Variants in PLEC observed in about 807,000 individuals in gnomAD.
PLEC encodes plectin.
A neutral mutation model predicts 392.8 loss-of-function variants in PLEC; 216 were observed. The ratio of observed to expected loss-of-function variants is 0.55; its 90% CI spans 0.49 to 0.62. The LOEUF (loss-of-function observed/expected upper bound fraction) is 0.62. Ranked by LOEUF, PLEC falls within the 20% of genes least tolerant of loss-of-function variation. PLEC has a pLI of 0.00. For synonymous variants in PLEC, 3,621 were observed against 2,980.6 expected, an observed-to-expected ratio of 1.21 and a Z score of -7.00; for missense variants, 6,863 against 6,563.4, an observed-to-expected ratio of 1.05 and a Z score of -1.58.
chr8:143,952,930 G>A (rs911922164), upstream of PLEC, among the ~76,000 whole-genome samples: 38 of 151,890 alleles, frequency 2.5e-4, no homozygotes, highest in Non-Finnish European at 5.3e-4. Context: ...GGAGGAGCCC[G>A]GAGCAGAATG....
At position 143,923,025 on chromosome 8, in the gene PLEC, C is replaced by T. The variant is rs781812950; in HGVS notation, c.6904G>A (p.Ala2302Thr). The T allele has an allele frequency of 1.4e-5, 23 of 1,611,790 alleles. No individual in the cohort carries two copies. Among genetic ancestry groups the T allele is most frequent in the East Asian group, 2.2e-5 (1 of 44,834 alleles). Residue 2302 changes from alanine to threonine, a missense_variant, in exon 31 of 32, where the codon GCA (alanine) becomes ACA (threonine). Physicochemically the swap from Ala to Thr is moderately conservative, Grantham distance 58. Transcript: ENST00000345136. ...RLRQLAEEDLAQQRALAEKML... is the reference protein window; with the variant it reads ...RLRQLAEEDLTQQRALAEKML... ...TTCTCTGCCAAGGCCCGCTGCTGTG[C>T]CAGGTCCTCCTCTGCCAGCTGCCGC...
rs1554706163 is a variant in PLEC at position 143,926,883 on chromosome 8, C to T, written c.3946-1G>A. The T allele has an allele frequency of 6.2e-7, 1 of 1,610,552 alleles. No individual in the cohort carries two copies. Among genetic ancestry groups the T allele is most frequent in the Admixed American group, 1.7e-5 (1 of 60,028 alleles). On this transcript the variant is annotated splice_acceptor_variant, in intron 29 of 31. Coordinates refer to ENST00000345136, the MANE Select transcript of PLEC (RefSeq NM_201384.3). LOFTEE classifies it high-confidence loss of function. ...TGTAGTGCGTACGCAGGTCCACGTA[C>T]TGTGGAGTAGAGCCAGGGTTAGCCC...
rs782155361 is a variant in PLEC, at chr8:143,934,009, G to A, written c.1252C>T (p.Leu418=). 1.2e-6 allele frequency: 2 copies of A among 1,606,814 alleles called. No homozygotes were observed. The highest frequency in any genetic ancestry group is 2.8e-5 in the African/African-American group (2 of 71,742). ...CCACACCCCCTCACCGACTGCAGCA[G>A]GGCGTCGGCCTGGTTCAGCTGCTCC... ...CEEQLNQADA[L]LQSDVRLLAA... Residue 418 remains leucine (L), a synonymous_variant, in exon 12 of 32, where the codon CTG becomes TTG. Coordinates refer to ENST00000345136, the MANE Select transcript of PLEC (RefSeq NM_201384.3).
upstream of PLEC, among the ~76,000 whole-genome samples, chr8:143,953,440 G>GTCCCC (rs1554737995): frequency 6.7e-6 from 1 of 150,094 alleles, no homozygotes; most frequent in Non-Finnish European, 1.5e-5. Flanking sequence ...CTGTGTCCCT[G>GTCCCC]TCCCCGCCCC....
rs782356391 is a variant in PLEC, at chr8:143,929,576, G to A, written c.2924-5C>T. The A allele has an allele frequency of 5.0e-6, 8 of 1,612,246 alleles. No homozygotes were observed. The highest frequency in any genetic ancestry group is 1.1e-5 in the South Asian group (1 of 91,090). On this transcript the variant is annotated splice_region_variant and splice_polypyrimidine_tract_variant and intron_variant, in intron 23 of 31. Transcript: ENST00000345136. ...AGCGAGACTCTTCCTGTGCACCTGG[G>A]GAACACATGTGGGTCACTCCACCGC...
At chr8:143,943,203 G>A (rs782150507), upstream of PLEC, among the ~76,000 whole-genome samples, 22 of 152,232 alleles carry the variant, frequency 1.4e-4, no homozygotes, top group Non-Finnish European at 2.5e-4. Context: ...TCCCCGATAG[G>A]CAGTCCCTCT....
In PLEC at chr8:143,929,166, T is replaced by C; in HGVS notation, c.3197A>G (p.Glu1066Gly). 1 of 1,594,674 alleles carries C rather than the reference T, an allele frequency of 6.3e-7. No individual in the cohort carries two copies. Among genetic ancestry groups the C allele is most frequent in the Non-Finnish European group, 8.5e-7 (1 of 1,172,532 alleles). The change falls in exon 25 of 32, where the codon GAG becomes GGG. Residue 1066 changes from glutamate to glycine, a missense_variant. Transcript: ENST00000345136. Reference protein sequence around the residue: ...PSPAAPTLRSELELTLGKLEQ... With the variant: ...PSPAAPTLRSGLELTLGKLEQ... ...CAGCTTGCCCAGCGTCAGCTCCAGC[T>C]CCGAGCGCAGCGTGGGGGCCGCAGG...
Position 143,923,234 on chromosome 8 carries a change from G to A in PLEC, c.6695C>T (p.Ser2232Leu), listed in dbSNP as rs201367741. 38 of 1,604,058 alleles carry A rather than the reference G, an allele frequency of 2.4e-5. No individual in the cohort carries two copies. Among genetic ancestry groups the A allele is most frequent in the Middle Eastern group, 1.6e-4 (1 of 6,062 alleles). The change falls in exon 31 of 32, where the codon TCG (serine) becomes TTG (leucine). Residue 2232 changes from serine (S) to leucine (L), a missense_variant. Physicochemically the swap from Ser to Leu is moderately radical, Grantham distance 145. Coordinates refer to ENST00000345136, the MANE Select transcript of PLEC (RefSeq NM_201384.3). ...QRSQVEEELFSVRVQMEELSK... is the reference protein window; with the variant it reads ...QRSQVEEELFLVRVQMEELSK... Reference sequence around the variant, plus strand: ...CAGCTCCTCCATCTGCACGCGCACCGAGAAGAGCTCCTCCTCCACCTGGCT... The same window carrying A: ...CAGCTCCTCCATCTGCACGCGCACCAAGAAGAGCTCCTCCTCCACCTGGCT...
intron 6 of PLEC, among the ~76,000 whole-genome samples, 165 bp downstream of exon 6, chr8:143,935,683 C>T (rs1370210261): frequency 6.6e-6 from 1 of 152,172 alleles, no homozygotes; most frequent in Non-Finnish European, 1.5e-5. Context: ...CTGAAGGACA[C>T]CAGGGTGGGG....
chr8:143,953,837 C>G (rs1373241184), upstream of PLEC: 36 of 1,600,332 alleles, frequency 2.2e-5, no homozygotes, highest in Non-Finnish European at 2.6e-5. Flanking sequence ...ACCGCACTGC[C>G]CAGGCCAGCG....
chr8:143,916,363 G>A lies in PLEC; in HGVS notation c.13458C>T (p.Thr4486=), dbSNP rs782560017. 63 of 1,607,524 alleles carry A rather than the reference G, an allele frequency of 3.9e-5. No homozygotes were observed. In the Middle Eastern group the frequency reaches 6.8e-4, roughly 17 times the overall value. ...SPYSVSGSGS[T]AGSRTGSRTG... is the part of the protein sequence containing the mutation. ...TGCGCGAGCCGGTGCGGGAGCCAGCGGTAGAGCCGGAGCCGCTGACGCTGT... is the reference window on the plus strand; with the variant it reads ...TGCGCGAGCCGGTGCGGGAGCCAGCAGTAGAGCCGGAGCCGCTGACGCTGT... Residue 4486 remains threonine (T), a synonymous_variant, in exon 32 of 32, where the codon ACC becomes ACT. Transcript: ENST00000345136.
Position 143,917,026 on chromosome 8 carries a change from G to C in PLEC, c.12795C>G (p.Thr4265=). The C allele has an allele frequency of 6.2e-7, 1 of 1,611,770 alleles. No homozygotes were observed. Among genetic ancestry groups the C allele is most frequent in the Non-Finnish European group, 8.5e-7 (1 of 1,179,004 alleles). Residue 4265 remains threonine, a synonymous_variant, in exon 32 of 32, where the codon ACC becomes ACG. Transcript: ENST00000345136. ...SYPISPAVSR[T]QLASWSDPTE... ...TGGGGTCTGACCAGGAGGCCAGCTGGGTCCTGGAGACGGCGGGGCTGATGG... is the reference window on the plus strand; with the variant it reads ...TGGGGTCTGACCAGGAGGCCAGCTGCGTCCTGGAGACGGCGGGGCTGATGG...
chr8:143,934,409 CA>C lies in PLEC; in HGVS notation c.1077del (p.Gly360AlafsTer39). 2 of 1,611,820 alleles carry C rather than the reference CA, an allele frequency of 1.2e-6. No homozygotes were observed. The highest frequency in any genetic ancestry group is 1.7e-6 in the Non-Finnish European group (2 of 1,179,520). On this transcript the variant is annotated frameshift_variant, in exon 11 of 32. Transcript: ENST00000345136. LOFTEE classifies it high-confidence loss of function. ...TTCTCCACATCCAGCGGGTGGTAGC[CA>C]GGGGGCACCTTGAGCTGGCCTGCTT... ...AVQAGQLKVP[P>X]GYHPLDVEKE...
intron 17 of PLEC, 21 bp from the exon 18 acceptor site, chr8:143,932,053 G>A (rs1554716166): frequency 6.4e-7 from 1 of 1,561,954 alleles, no homozygotes; most frequent in Non-Finnish European, 8.7e-7. Context: ...GCAGGTCCCG[G>A]TCAGGCCCCG....
chr8:143,969,193 T>C lies in PLEC; in HGVS notation c.70+4210A>G, dbSNP rs1833281823. Among the ~76,000 whole-genome samples, 1 of 152,146 alleles carries C rather than the reference T, an allele frequency of 6.6e-6. No individual in the cohort carries two copies. The highest frequency in any genetic ancestry group is 6.5e-5 in the Admixed American group (1 of 15,270). On this transcript the variant is annotated intron_variant, in intron 1 of 31. Transcript: ENST00000356346. The surrounding 1 kb of genome is among the most constrained non-coding windows in gnomAD (Gnocchi z 5.1). ...CTCCAGCGGGGGGAGGGTGAGGTGC[T>C]GATGGCGCGGCGATGTGAGCAGCCC...
At position 143,916,000 on chromosome 8, in the gene PLEC, C is replaced by T; in HGVS notation, c.*177G>A. 1 of 515,508 alleles carries T rather than the reference C, an allele frequency of 1.9e-6. No homozygotes were observed. The highest frequency in any genetic ancestry group is 3.7e-5 in the Admixed American group (1 of 26,832). The allele number at this position is 515,508 out of a possible 1,614,324, so 31.9% of individuals were successfully genotyped here. A position where few individuals can be genotyped will look rare whatever the true frequency, so the allele number is the denominator to read the frequency against. ...GCCAGCAGGGCTGGGCCAGCCCTGT[C>T]CCCCAAGATACAGGCTGTCTGGACA... is the stretch of plus-strand genomic sequence containing the variant. On this transcript the variant is annotated 3_prime_UTR_variant, in exon 32 of 32. Coordinates refer to ENST00000345136, the MANE Select transcript of PLEC (RefSeq NM_201384.3).
rs545838751 is a variant in PLEC at position 143,918,108 on chromosome 8, C to T, written c.11713G>A (p.Glu3905Lys). The T allele has an allele frequency of 2.3e-5, 36 of 1,597,936 alleles. No individual in the cohort carries two copies. The highest frequency in any genetic ancestry group is 1.1e-4 in the East Asian group (5 of 44,616). Reference sequence around the variant, plus strand: ...TCCCGCAGCTGCAGCGCCGTGGCCTCGTCCATGACCTGCGAGCGCACCAGC... The same window carrying T: ...TCCCGCAGCTGCAGCGCCGTGGCCTTGTCCATGACCTGCGAGCGCACCAGC... ...EELVRSQVMD[E>K]ATALQLREGL... Residue 3905 changes from glutamate to lysine, a missense_variant, in exon 32 of 32, where the codon GAG becomes AAG. By Grantham distance (56) the Glu-to-Lys change is moderately conservative. Coordinates refer to ENST00000345136, the MANE Select transcript of PLEC (RefSeq NM_201384.3).
At chr8:143,973,561 GCCGCCCCCGCC>G (rs531427488), upstream of PLEC, 7,462 of 1,041,726 alleles carry the variant, frequency 7.2e-3, 37 homozygotes, top group Middle Eastern at 9.5e-3. The surrounding 1 kb of genome is among the most constrained non-coding windows in gnomAD (Gnocchi z 5.6). Context: ...GCTTAAAGAG[GCCGCCCCCGCC>G]CCGCCCCCGC....
upstream of PLEC, chr8:143,953,625 G>A (rs1832417049): frequency 7.9e-7 from 1 of 1,266,972 alleles, no homozygotes; most frequent in Non-Finnish European, 1.1e-6. Context: ...TGTCACCCCA[G>A]GGATGGCAGA....
Sources: allele counts gnomAD v4.1 joint callset (sites outside exome capture counted in the v4.1 genomes callset), GRCh38; gene constraint gnomAD v4.1.1; non-coding constraint Gnocchi (gnomAD v3.1); transcripts MANE v1.5; gene names NCBI Gene and HGNC (gene_info 2026-07-23, HGNC 2026-07-21).